The following CDH12 variants were observed in gnomAD, a reference collection of about 807,000 sequenced individuals.
The protein encoded by CDH12 is cadherin-12.
Under a neutral mutation model 74.1 loss-of-function variants are expected in CDH12, and 41 were observed. That is an observed-to-expected ratio of 0.55 (90% confidence interval 0.43 to 0.72). The LOEUF (loss-of-function observed/expected upper bound fraction) is 0.72, where lower values mean the gene tolerates loss of function less well. Among genes scored for constraint, CDH12 ranks in the 30% least tolerant of loss-of-function variants. The pLI, the probability that CDH12 is intolerant of heterozygous loss-of-function variation, is 0.00. For synonymous variants in CDH12, 399 were observed against 355.0 expected, an observed-to-expected ratio of 1.12 and a Z score of -1.39; for missense variants, 945 against 977.2, an observed-to-expected ratio of 0.97 and a Z score of 0.44.
chr5:22,833,308 A>C (rs2126505170), intron 1 of CDH12, among the ~76,000 whole-genome samples: 2 of 152,292 alleles, frequency 1.3e-5, no homozygotes, highest in Middle Eastern at 6.8e-3. Flanking sequence ...AACTGTATTG[A>C]TCATATTCTC....
chr5:22,532,599 C>T (rs576066221), intron 1 of CDH12, among the ~76,000 whole-genome samples: 73 of 150,856 alleles, frequency 4.8e-4, no homozygotes, highest in Admixed American at 1.3e-3. Flanking sequence ...TTAATTTTAC[C>T]ATTGGGAAGG....
At chr5:22,655,825 A>G (rs984303552) in intron 1 of CDH12, among the ~76,000 whole-genome samples, 1 of 152,236 alleles carries the variant, frequency 6.6e-6, no homozygotes, top group African/African-American at 2.4e-5. Flanking sequence ...GGGAATCAGA[A>G]TTTTAACTAA....
At chr5:21,833,773 G>A (rs955785675) in intron 8 of CDH12, among the ~76,000 whole-genome samples, 2 of 151,536 alleles carry the variant, frequency 1.3e-5, no homozygotes, top group African/African-American at 2.4e-5. Context: ...AGATTTCTTA[G>A]GTCCAAGCTA....
intron 6 of CDH12, among the ~76,000 whole-genome samples, chr5:21,905,546 A>G (rs184460552): frequency 6.6e-6 from 1 of 152,344 alleles, no homozygotes; most frequent in Admixed American, 6.5e-5. Flanking sequence ...GCAACAGACT[A>G]CAATTACCAG....
In CDH12 at chr5:22,744,372, T is replaced by C. The variant is rs1016471827; in HGVS notation, c.-523+108686A>G. 1.8e-4 allele frequency among the ~76,000 whole-genome samples: 27 copies of C among 151,908 alleles called. No homozygotes were observed. In the East Asian group the frequency reaches 4.3e-3, roughly 24 times the overall value. Reference sequence around the variant, plus strand: ...TGAACCTGGGAGGCAGAGGTTGCAGTGAGCTGAGATTGCGCCACTGCACTC... The same window carrying C: ...TGAACCTGGGAGGCAGAGGTTGCAGCGAGCTGAGATTGCGCCACTGCACTC... On this transcript the variant is annotated intron_variant, in intron 1 of 14. Transcript: ENST00000382254.
At chr5:22,429,697 A>T (rs547168902) in intron 2 of CDH12, among the ~76,000 whole-genome samples, 2 of 152,252 alleles carry the variant, frequency 1.3e-5, no homozygotes, top group South Asian at 4.1e-4. Flanking sequence ...GTCTGTAGAG[A>T]TTACTCATTT....
At chr5:22,504,349 C>T (rs546986757) in intron 2 of CDH12, among the ~76,000 whole-genome samples, 1 of 152,064 alleles carries the variant, frequency 6.6e-6, no homozygotes, top group Admixed American at 6.6e-5. Context: ...ATAAGCTAAT[C>T]TCATAAAAGG....
intron 3 of CDH12, among the ~76,000 whole-genome samples, chr5:22,256,685 T>C (rs1753329572): frequency 6.6e-6 from 1 of 152,010 alleles, no homozygotes; most frequent in South Asian, 2.1e-4. Flanking sequence ...TGGGACAAGA[T>C]TTGGTGGTGG....
intron 5 of CDH12, among the ~76,000 whole-genome samples, chr5:22,072,374 C>T (rs902705152): frequency 2.0e-5 from 3 of 152,036 alleles, no homozygotes; most frequent in African/African-American, 7.2e-5. Context: ...TCAGGGCTTA[C>T]AAAAACTTTT....
intron 11 of CDH12, among the ~76,000 whole-genome samples, chr5:21,777,716 C>G (rs1346597493): frequency 1.3e-5 from 2 of 152,104 alleles, no homozygotes; most frequent in South Asian, 2.1e-4. Context: ...GTCTTGACCT[C>G]CTGACCTCAA....
At chr5:22,445,574 T>C (rs1192195137) in intron 2 of CDH12, among the ~76,000 whole-genome samples, 1 of 152,160 alleles carries the variant, frequency 6.6e-6, no homozygotes, top group East Asian at 1.9e-4. Context: ...TACCTAGTCC[T>C]GTGTAAAACA....
At chr5:22,339,579 C>T (rs747729859) in intron 3 of CDH12, among the ~76,000 whole-genome samples, 3 of 151,796 alleles carry the variant, frequency 2.0e-5, no homozygotes, top group African/African-American at 7.3e-5. Context: ...GGAACACAAC[C>T]CTAGAGGAAA....
intron 1 of CDH12, among the ~76,000 whole-genome samples, chr5:22,664,046 T>A (rs1311675996): frequency 2.0e-5 from 3 of 152,176 alleles, no homozygotes; most frequent in South Asian, 4.1e-4. Context: ...TTACCGTGTA[T>A]TAACATAATG....
intron 2 of CDH12, among the ~76,000 whole-genome samples, chr5:22,486,254 G>A (rs772648457): frequency 6.6e-6 from 1 of 152,026 alleles, no homozygotes; most frequent in Non-Finnish European, 1.5e-5. Context: ...TCATACACTA[G>A]GTCCTTCAGA....
At chr5:22,366,195 G>A (rs1389310108) in intron 3 of CDH12, among the ~76,000 whole-genome samples, 1 of 152,074 alleles carries the variant, frequency 6.6e-6, no homozygotes, top group Non-Finnish European at 1.5e-5. Context: ...CTGACCTCAT[G>A]ATCCACCTGT....
At chr5:22,744,834 A>G (rs2127024053) in intron 1 of CDH12, among the ~76,000 whole-genome samples, 1 of 152,192 alleles carries the variant, frequency 6.6e-6, no homozygotes, top group South Asian at 2.1e-4. Context: ...TGCCCTTACC[A>G]GTTGTGTGAC....
intron 6 of CDH12, among the ~76,000 whole-genome samples, chr5:21,872,299 A>ATT (rs1343892692): frequency 1.6e-3 from 246 of 152,318 alleles, no homozygotes; most frequent in African/African-American, 5.7e-3. Context: ...ATTTCAGACT[A>ATT]TACATATTTA....
chr5:22,348,775 C>T (rs2150462245), intron 3 of CDH12, among the ~76,000 whole-genome samples: 1 of 152,198 alleles, frequency 6.6e-6, no homozygotes, highest in South Asian at 2.1e-4. Context: ...GATGGGATGT[C>T]CATAATGCTA....
At chr5:22,669,448 C>T (rs1740792605) in intron 1 of CDH12, among the ~76,000 whole-genome samples, 1 of 152,110 alleles carries the variant, frequency 6.6e-6, no homozygotes, top group Non-Finnish European at 1.5e-5. Flanking sequence ...TACATATTCT[C>T]CCCTTCTTGC....
Sources: gnomAD v4.1 joint callset for allele counts (sites outside exome capture counted in the v4.1 genomes callset) on GRCh38, gnomAD v4.1.1 for gene constraint, MANE v1.5 for transcripts, NCBI Gene and HGNC (gene_info 2026-07-23, HGNC 2026-07-21) for gene names.